The following MYADML2 variants were observed in gnomAD, a reference collection of about 807,000 sequenced individuals.
The protein encoded by MYADML2 is myeloid associated differentiation marker like 2, also known as myeloid-associated differentiation marker-like protein 2.
Under a neutral mutation model 16.0 loss-of-function variants are expected in MYADML2, and 17 were observed. The observed-to-expected ratio is 1.06, with a 90% CI of 0.73 to 1.60. The LOEUF (loss-of-function observed/expected upper bound fraction) is 1.60. MYADML2 is among the 40% of genes most tolerant of loss of function. The probability of loss-of-function intolerance (pLI) is 0.00; values close to 1 mark genes in which losing one functional copy is unlikely to be tolerated. For missense variants in MYADML2, 422 were observed against 437.7 expected, an observed-to-expected ratio of 0.96 and a Z score of 0.32; for synonymous variants, 210 against 208.1, an observed-to-expected ratio of 1.01 and a Z score of -0.08.
At chr17:81,943,918 T>C (rs1242702456) in intron 1 of MYADML2, among the ~76,000 whole-genome samples, 1 of 151,370 alleles carries the variant, frequency 6.6e-6, no homozygotes, top group Non-Finnish European at 1.5e-5. Flanking sequence ...CAGACCATCC[T>C]GGCTAACATG....
chr17:81,945,383 C>A (rs1316914347), intron 1 of MYADML2, among the ~76,000 whole-genome samples: 1 of 151,988 alleles, frequency 6.6e-6, no homozygotes. Flanking sequence ...ACTAAAAATA[C>A]AAAAAATTAT....
Position 81,941,591 on chromosome 17 carries a change from C to G in MYADML2, c.151G>C (p.Gly51Arg). 1.3e-6 allele frequency: 2 copies of G among 1,548,558 alleles called. No homozygotes were observed. The highest frequency in any genetic ancestry group is 4.9e-5 in the East Asian group (2 of 40,902). ...AHRGGFAGVQGTFCMAAWGFC... is the reference protein window; with the variant it reads ...AHRGGFAGVQRTFCMAAWGFC... Reference sequence around the variant, plus strand: ...CCCCAGGCGGCCATGCAGAAGGTGCCCTGGACGCCCGCAAAGCCACCCCGG... The same window carrying G: ...CCCCAGGCGGCCATGCAGAAGGTGCGCTGGACGCCCGCAAAGCCACCCCGG... Residue 51 changes from glycine (G) to arginine (R), a missense_variant, in exon 3 of 3, where the codon GGC (glycine) becomes CGC (arginine). Gly to Arg is a moderately radical substitution (Grantham distance 125). Coordinates refer to ENST00000409745, the MANE Select transcript of MYADML2 (RefSeq NM_001145113.3).
At position 81,940,800 on chromosome 17, in the gene MYADML2, G is replaced by T; in HGVS notation, c.*18C>A. 1.3e-6 allele frequency: 2 copies of T among 1,484,562 alleles called. No individual in the cohort carries two copies. Among genetic ancestry groups the T allele is most frequent in the Non-Finnish European group, 1.8e-6 (2 of 1,110,576 alleles). 92.0% of individuals were successfully genotyped at this position (1,484,562 alleles called of 1,614,324 possible). ...GCTGGTGGCCAGAGAGCAGAGGTGGGTGGGCTGCCACTGTGGGCTACAGGC... is the reference window on the plus strand; with the variant it reads ...GCTGGTGGCCAGAGAGCAGAGGTGGTTGGGCTGCCACTGTGGGCTACAGGC... On this transcript the variant is annotated 3_prime_UTR_variant, in exon 3 of 3. Coordinates refer to ENST00000409745, the MANE Select transcript of MYADML2 (RefSeq NM_001145113.3).
rs544757430 is a variant in MYADML2 at position 81,944,556 on chromosome 17, A to G, written c.-180-2183T>C. On this transcript the variant is annotated intron_variant, in intron 1 of 2. Coordinates refer to ENST00000409745, the MANE Select transcript of MYADML2 (RefSeq NM_001145113.3). ...CTGACATAGAGCTCCTAAAACCTTT[A>G]TAATCTCCTAACCCATAGGATCATC... Among the ~76,000 whole-genome samples, 7 of 152,238 alleles carry G rather than the reference A, an allele frequency of 4.6e-5. No individual in the cohort carries two copies. In the South Asian group the frequency reaches 1.2e-3, roughly 27 times the overall value.
At position 81,942,301 on chromosome 17, in the gene MYADML2, C is replaced by A; in HGVS notation, c.-108G>T. 1 of 152,872 alleles carries A rather than the reference C, an allele frequency of 6.5e-6. No homozygotes were observed. The allele number at this position is 152,872 out of a possible 1,614,324, so 9.5% of individuals were successfully genotyped here. A position where few individuals can be genotyped will look rare whatever the true frequency, so the allele number is the denominator to read the frequency against. ...TTCCCCAACATTTATCTCACCCCTT[C>A]TGGATGGCCGCGTGGTTCAGAGCCT... On this transcript the variant is annotated 5_prime_UTR_variant, in exon 2 of 3. Coordinates refer to ENST00000409745, the MANE Select transcript of MYADML2 (RefSeq NM_001145113.3). The surrounding 1 kb of genome is among the most constrained non-coding windows in gnomAD (Gnocchi z 4.4).
In MYADML2 at chr17:81,942,003, G is replaced by A; in HGVS notation, c.-102-160C>T. 1 of 414,410 alleles carries A rather than the reference G, an allele frequency of 2.4e-6. No individual in the cohort carries two copies. The allele number at this position is 414,410 out of a possible 1,614,324, so 25.7% of individuals were successfully genotyped here. A position where few individuals can be genotyped will look rare whatever the true frequency, so the allele number is the denominator to read the frequency against. ...ATCTTAGAGAGACATCTGACCCCTGGTCCCCTGTGGAGCCCCTGCCGGGAC... is the reference window on the plus strand; with the variant it reads ...ATCTTAGAGAGACATCTGACCCCTGATCCCCTGTGGAGCCCCTGCCGGGAC... On this transcript the variant is annotated intron_variant, in intron 2 of 2. Coordinates refer to ENST00000409745, the MANE Select transcript of MYADML2 (RefSeq NM_001145113.3). The surrounding 1 kb of genome is among the most constrained non-coding windows in gnomAD (Gnocchi z 4.4).
chr17:81,940,944 G>T lies in MYADML2; in HGVS notation c.798C>A (p.Asn266Lys), dbSNP rs377112990. Residue 266 changes from asparagine (N) to lysine (K), a missense_variant, in exon 3 of 3, where the codon AAC becomes AAA. Asn to Lys is a moderately conservative substitution (Grantham distance 94). Coordinates refer to ENST00000409745, the MANE Select transcript of MYADML2 (RefSeq NM_001145113.3). ...CCCAGGGACAGCTGCCCCGAGCACA[G>T]TTGGGGGGCCGTTTGGGCTCACCGT... The part of the protein sequence containing the change: ...PKYGEPKRPP[N>K]CARGSCPWDS... 5.8e-4 allele frequency: 899 copies of T among 1,550,476 alleles called. 3 individuals carry two copies. The highest frequency in any genetic ancestry group is 7.0e-4 in the Non-Finnish European group (807 of 1,146,904).
At chr17:81,945,534 GTC>G in intron 1 of MYADML2, among the ~76,000 whole-genome samples, 1 of 148,700 alleles carries the variant, frequency 6.7e-6, no homozygotes. Context: ...GCAAGACTCT[GTC>G]TCAAAAAAAA....
At chr17:81,945,443 G>T (rs577458087) in intron 1 of MYADML2, among the ~76,000 whole-genome samples, 1 of 151,994 alleles carries the variant, frequency 6.6e-6, no homozygotes, top group Non-Finnish European at 1.5e-5. Context: ...GGAGGCTGAG[G>T]CAGGAGAATG....
rs1428997149 is a variant in MYADML2, at chr17:81,940,719, C to T, written c.*99G>A. The T allele has an allele frequency of 7.5e-7, 1 of 1,335,590 alleles. No homozygotes were observed. The allele number at this position is 1,335,590 out of a possible 1,614,324, so 82.7% of individuals were successfully genotyped here. A position where few individuals can be genotyped will look rare whatever the true frequency, so the allele number is the denominator to read the frequency against. On this transcript the variant is annotated 3_prime_UTR_variant, in exon 3 of 3. Coordinates refer to ENST00000409745, the MANE Select transcript of MYADML2 (RefSeq NM_001145113.3). ...CATCTCCCCTGAGCCCGCGGCTTCC[C>T]TCCTGCTCGCTACTTGACACTTTGG...
intron 1 of MYADML2, 100 bp downstream of exon 1, chr17:81,946,959 A>G (rs982535284): frequency 6.7e-6 from 1 of 150,040 alleles, no homozygotes; most frequent in African/African-American, 2.5e-5. Flanking sequence ...CCTGGGTGAC[A>G]GAGGGAGACT....
intron 1 of MYADML2, among the ~76,000 whole-genome samples, chr17:81,944,267 G>A (rs1414500893): frequency 1.2e-4 from 18 of 151,894 alleles, no homozygotes; most frequent in African/African-American, 4.1e-4. Flanking sequence ...AAAATTAGCT[G>A]GGCATGGTGG....
chr17:81,946,200 C>G (rs2041343009), intron 1 of MYADML2, among the ~76,000 whole-genome samples: 1 of 150,722 alleles, frequency 6.6e-6, no homozygotes, highest in Non-Finnish European at 1.5e-5. Flanking sequence ...ACTAAAAATA[C>G]AAAAATTAGC....
Position 81,941,855 on chromosome 17 carries a change from G to T in MYADML2, c.-102-12C>A. 1 of 1,014,364 alleles carries T rather than the reference G, an allele frequency of 9.9e-7. No individual in the cohort carries two copies. Among genetic ancestry groups the T allele is most frequent in the Non-Finnish European group, 1.4e-6 (1 of 708,200 alleles). The allele number at this position is 1,014,364 out of a possible 1,614,324, so 62.8% of individuals were successfully genotyped here. A position where few individuals can be genotyped will look rare whatever the true frequency, so the allele number is the denominator to read the frequency against. ...CAGGTGCCTGCAGCCTGCAGAGGCAGTGACGACGGTGACATTGCAGCAGGG... is the reference window on the plus strand; with the variant it reads ...CAGGTGCCTGCAGCCTGCAGAGGCATTGACGACGGTGACATTGCAGCAGGG... On this transcript the variant is annotated splice_polypyrimidine_tract_variant and intron_variant, in intron 2 of 2. Coordinates refer to ENST00000409745, the MANE Select transcript of MYADML2 (RefSeq NM_001145113.3).
chr17:81,945,408 G>GCA (rs1451879358), intron 1 of MYADML2, among the ~76,000 whole-genome samples: 3 of 152,056 alleles, frequency 2.0e-5, no homozygotes, highest in South Asian at 4.2e-4. Context: ...GCGTGGTGAT[G>GCA]GGCGCCTGTA....
rs2041313865 is a variant in MYADML2, at chr17:81,942,438, CCCTCATT to C, written c.-180-72_-180-66del. The C allele has an allele frequency of 6.6e-6, 1 of 152,300 alleles. No homozygotes were observed. The highest frequency in any genetic ancestry group is 2.4e-5 in the African/African-American group (1 of 41,452). The allele number at this position is 152,300 out of a possible 1,614,324, so 9.4% of individuals were successfully genotyped here. On this transcript the variant is annotated intron_variant, in intron 1 of 2. Coordinates refer to ENST00000409745, the MANE Select transcript of MYADML2 (RefSeq NM_001145113.3). The surrounding 1 kb of genome is among the most constrained non-coding windows in gnomAD (Gnocchi z 4.4). ...TCTGCTCCCCGAGCCCCGCTCCCCA[CCCTCATT>C]CTGTCTCGTCCCTAACCTGCCTGGG...
intron 1 of MYADML2, among the ~76,000 whole-genome samples, chr17:81,944,269 G>T (rs753645116): frequency 7.2e-5 from 11 of 152,030 alleles, no homozygotes; most frequent in Non-Finnish European, 1.6e-4. Context: ...AATTAGCTGG[G>T]CATGGTGGCA....
In MYADML2 at chr17:81,942,814, G is replaced by C. The variant is rs2143923281; in HGVS notation, c.-180-441C>G. On this transcript the variant is annotated intron_variant, in intron 1 of 2. Coordinates refer to ENST00000409745, the MANE Select transcript of MYADML2 (RefSeq NM_001145113.3). The surrounding 1 kb of genome is among the most constrained non-coding windows in gnomAD (Gnocchi z 4.4). ...GATCCGCCTGCCTCGGCCTCCCAAA[G>C]TGCTGGGATTATAGGCGTGAGCCAC... Among the ~76,000 whole-genome samples the C allele has an allele frequency of 6.6e-6, 1 of 152,166 alleles. No homozygotes were observed. The highest frequency in any genetic ancestry group is 2.1e-4 in the South Asian group (1 of 4,824).
rs919801701 is a variant in MYADML2 at position 81,942,491 on chromosome 17, G to C, written c.-180-118C>G. The C allele has an allele frequency of 3.3e-5, 5 of 152,228 alleles. No individual in the cohort carries two copies. The highest frequency in any genetic ancestry group is 1.2e-4 in the African/African-American group (5 of 41,436). 9.4% of individuals were successfully genotyped at this position (152,228 alleles called of 1,614,324 possible). A position where few individuals can be genotyped will look rare whatever the true frequency, so the allele number is the denominator to read the frequency against. On this transcript the variant is annotated intron_variant, in intron 1 of 2. Transcript: ENST00000409745. This position sits in a 1 kb window ranked among gnomAD's most constrained non-coding sequence, Gnocchi z 4.4. ...CTGGGGCAGAGACATTTGACTGTTA[G>C]TTACTGTTACTGTTTGCAGGGGCCA... is the stretch of plus-strand genomic sequence containing the variant.
Sources: allele counts gnomAD v4.1 joint callset (sites outside exome capture counted in the v4.1 genomes callset), GRCh38; gene constraint gnomAD v4.1.1; non-coding constraint Gnocchi (gnomAD v3.1); transcripts MANE v1.5; gene names NCBI Gene and HGNC (gene_info 2026-07-23, HGNC 2026-07-21).